LSAMP: variants seen among roughly 807,000 people sequenced by gnomAD.
LSAMP encodes limbic system-associated membrane protein.
LSAMP carries 7 observed loss-of-function variants against 38.6 expected under a neutral mutation model. The ratio of observed to expected loss-of-function variants is 0.18; its 90% CI spans 0.10 to 0.34. The LOEUF is 0.34. Among genes scored for constraint, LSAMP ranks in the 10% least tolerant of loss-of-function variants. The probability of loss-of-function intolerance (pLI) is 1.00; values close to 1 mark genes in which losing one functional copy is unlikely to be tolerated. For synonymous variants in LSAMP, 154 were observed against 166.8 expected, an observed-to-expected ratio of 0.92 and a Z score of 0.59; for missense variants, 313 against 420.0, an observed-to-expected ratio of 0.75 and a Z score of 2.23.
chr3:116,293,452 C>CCAA (rs1430301878), intron 1 of LSAMP, among the ~76,000 whole-genome samples: 1 of 151,664 alleles, frequency 6.6e-6, no homozygotes, highest in African/African-American at 2.4e-5. Flanking sequence ...GGCAGAAATC[C>CCAA]CAACTGTTCT....
At position 116,390,840 on chromosome 3, in the gene LSAMP, T is replaced by C. The variant is rs765827022; in HGVS notation, c.155+54037A>G. On this transcript the variant is annotated intron_variant, in intron 1 of 6. Coordinates refer to ENST00000490035, the MANE Select transcript of LSAMP (RefSeq NM_002338.5). ...TTGGGAGCCTATGAAGTGTCATTCC[T>C]TCTCAGGAGATTTTTGTCAGTGGTC... 4.9e-4 allele frequency among the ~76,000 whole-genome samples: 74 copies of C among 151,884 alleles called. 1 individual carries two copies. Among genetic ancestry groups the C allele is most frequent in the Admixed American group, 1.5e-3 (23 of 15,250 alleles).
Position 116,178,268 on chromosome 3 carries a change from G to A in LSAMP, c.156-91712C>T, listed in dbSNP as rs537367240. ...TGCAACCTCTGCTTCCCAGTTTCAA[G>A]TGATTCTCCTGCCTCAGCCTCCCGA... On this transcript the variant is annotated intron_variant, in intron 1 of 6. Transcript: ENST00000490035. Among the ~76,000 whole-genome samples the A allele has an allele frequency of 1.6e-4, 25 of 152,318 alleles. No homozygotes were observed. The South Asian group carries it at 5.0e-3, about 30-fold the overall frequency.
chr3:116,224,915 T>C (rs1483887731), intron 1 of LSAMP, among the ~76,000 whole-genome samples: 1 of 152,200 alleles, frequency 6.6e-6, no homozygotes, highest in Non-Finnish European at 1.5e-5. Flanking sequence ...AAGTACTTAG[T>C]TTTAATACAT....
intron 3 of LSAMP, among the ~76,000 whole-genome samples, chr3:115,886,059 T>C (rs958755135): frequency 6.6e-6 from 1 of 151,998 alleles, no homozygotes; most frequent in African/African-American, 2.4e-5. Context: ...CCAGGAGTTC[T>C]AGTGTTTGAG....
intron 1 of LSAMP, among the ~76,000 whole-genome samples, chr3:116,393,500 T>A (rs2048729606): frequency 6.6e-6 from 1 of 152,182 alleles, no homozygotes; most frequent in Admixed American, 6.5e-5. Flanking sequence ...CTGCCCCATG[T>A]CTGACTTACA....
intron 1 of LSAMP, among the ~76,000 whole-genome samples, chr3:116,356,325 G>A (rs112805382): frequency 2.9e-3 from 446 of 152,258 alleles, no homozygotes; most frequent in Non-Finnish European, 5.1e-3. Context: ...GCCAGGCACA[G>A]AAAGAAAAAC....
chr3:116,429,802 A>G (rs1233832922), intron 1 of LSAMP, among the ~76,000 whole-genome samples: 2 of 152,164 alleles, frequency 1.3e-5, no homozygotes, highest in Non-Finnish European at 2.9e-5. Context: ...TTTGCAGACG[A>G]CATCATGTTT....
intron 1 of LSAMP, among the ~76,000 whole-genome samples, chr3:116,324,371 T>G (rs2047742437): frequency 6.6e-6 from 1 of 152,096 alleles, no homozygotes; most frequent in African/African-American, 2.4e-5. Flanking sequence ...CTAAACATCT[T>G]ACATCATCAA....
chr3:116,183,873 A>G (rs9875609), intron 1 of LSAMP, among the ~76,000 whole-genome samples: 140,296 of 151,816 alleles, frequency 0.92, 64,897 homozygotes, highest in African/African-American at 0.94. Flanking sequence ...GAGTAGAGAG[A>G]AAAATAGGCA....
At chr3:116,134,678 C>T (rs1709207400) in intron 1 of LSAMP, among the ~76,000 whole-genome samples, 2 of 152,166 alleles carry the variant, frequency 1.3e-5, no homozygotes, top group South Asian at 4.2e-4. Flanking sequence ...ATCAGAGAGG[C>T]CTGTGCTGAC....
At chr3:116,199,022 T>C (rs934988035) in intron 1 of LSAMP, among the ~76,000 whole-genome samples, 2 of 152,130 alleles carry the variant, frequency 1.3e-5, no homozygotes, top group Non-Finnish European at 2.9e-5. Context: ...AGGTCCAGGC[T>C]GCAGTGAGCC....
chr3:115,869,590 G>A (rs896780854), intron 3 of LSAMP, among the ~76,000 whole-genome samples: 1 of 152,030 alleles, frequency 6.6e-6, no homozygotes. Flanking sequence ...ACTTGCAGAT[G>A]TTCTAGTACT....
At chr3:116,239,402 TA>T (rs77537110) in intron 1 of LSAMP, among the ~76,000 whole-genome samples, 33,908 of 151,084 alleles carry the variant, frequency 0.22, 4,151 homozygotes, top group African/African-American at 0.3. Flanking sequence ...AACATATGTT[TA>T]AAAAAAAAGA....
chr3:115,835,526 T>C (rs1253683884), intron 6 of LSAMP, among the ~76,000 whole-genome samples: 1 of 152,208 alleles, frequency 6.6e-6, no homozygotes, highest in African/African-American at 2.4e-5. Flanking sequence ...TATGATAGTG[T>C]AACATAATTA....
intron 3 of LSAMP, among the ~76,000 whole-genome samples, chr3:115,990,424 G>T (rs553861450): frequency 6.6e-6 from 1 of 152,100 alleles, no homozygotes; most frequent in South Asian, 2.1e-4. Context: ...TTGGTAAAAT[G>T]CTCATTTCTT....
rs368314567 is a variant in LSAMP at position 116,185,030 on chromosome 3, C to CT, written c.156-98475dup. Among the ~76,000 whole-genome samples, 1,032 of 117,712 alleles carry CT rather than the reference C, an allele frequency of 8.8e-3. 11 individuals carry two copies. Among genetic ancestry groups the CT allele is most frequent in the Non-Finnish European group, 9.0e-3 (507 of 56,572 alleles). 77.2% of individuals were successfully genotyped at this position (117,712 alleles called of 152,430 possible). On this transcript the variant is annotated intron_variant, in intron 1 of 6. Coordinates refer to ENST00000490035, the MANE Select transcript of LSAMP (RefSeq NM_002338.5). ...AGATTTTTTCTTTCTTTCTTTCTTT[C>CT]TTTTTTTTTTTTTTTCAGTTCTCAC...
chr3:115,986,810 A>G (rs914399175), intron 3 of LSAMP, among the ~76,000 whole-genome samples: 1 of 152,138 alleles, frequency 6.6e-6, no homozygotes, highest in Non-Finnish European at 1.5e-5. Flanking sequence ...GGAATTTTGG[A>G]ATTGCTTTGG....
intron 1 of LSAMP, among the ~76,000 whole-genome samples, chr3:116,366,010 T>TAATA (rs1328207371): frequency 9.3e-3 from 27 of 2,910 alleles, no homozygotes; most frequent in Admixed American, 0.021. Flanking sequence ...ACTTAGAGTA[T>TAATA]AATAAAAAAA....
chr3:115,838,222 C>T (rs1934859610), intron 6 of LSAMP: 1 of 152,244 alleles, frequency 6.6e-6, no homozygotes, highest in African/African-American at 2.4e-5. Flanking sequence ...ATAGTACATA[C>T]TGCAGAGTAC....
Sources: allele counts gnomAD v4.1 joint callset (sites outside exome capture counted in the v4.1 genomes callset), GRCh38; gene constraint gnomAD v4.1.1; transcripts MANE v1.5; gene names NCBI Gene and HGNC (gene_info 2026-07-23, HGNC 2026-07-21).